DOCK5: variants seen among roughly 807,000 people sequenced by gnomAD.
DOCK5 encodes dedicator of cytokinesis 5.
A neutral mutation model predicts 251.8 loss-of-function variants in DOCK5; 142 were observed. The ratio of observed to expected loss-of-function variants is 0.56; its 90% confidence interval spans 0.49 to 0.65. The LOEUF is 0.65. Ranked by LOEUF, DOCK5 falls within the 30% of genes least tolerant of loss-of-function variation. The probability of loss-of-function intolerance (pLI) is 0.00; values close to 1 mark genes in which losing one functional copy is unlikely to be tolerated. For synonymous variants in DOCK5, 842 were observed against 835.5 expected (o/e 1.01, Z -0.13); for missense variants, 2,111 against 2,312.3 (o/e 0.91, Z 1.79).
At chr8:25,410,800 T>C (rs1232441694) in intron 51 of DOCK5, among the ~76,000 whole-genome samples, 2 of 151,698 alleles carry the variant, frequency 1.3e-5, no homozygotes, top group African/African-American at 4.8e-5. Flanking sequence ...AGTTTACTTC[T>C]TCTGAATAAA....
In DOCK5 at chr8:25,335,489, A is replaced by AAAT. The variant is rs533952667; in HGVS notation, c.2193-731_2193-729dup. 5.8e-4 allele frequency among the ~76,000 whole-genome samples: 87 copies of AAAT among 151,026 alleles called. No individual in the cohort carries two copies. In the East Asian group the frequency reaches 0.012, roughly 21 times the overall value. On this transcript the variant is annotated intron_variant, in intron 21 of 51. Transcript: ENST00000276440. ...TGGGTGACAGAATGAGACTCCATCT[A>AAAT]AATAATAATAATAATAATAATTATA...
chr8:25,269,784 T>A (rs1215750714), intron 3 of DOCK5, among the ~76,000 whole-genome samples: 2 of 152,216 alleles, frequency 1.3e-5, no homozygotes, highest in African/African-American at 4.8e-5. Flanking sequence ...TTAGTTCACA[T>A]GCCAAATAGC....
chr8:25,340,615 G>C (rs548298199), intron 22 of DOCK5, among the ~76,000 whole-genome samples: 1 of 152,342 alleles, frequency 6.6e-6, no homozygotes, highest in Non-Finnish European at 1.5e-5. Flanking sequence ...CCTTATGGTA[G>C]AGCAGGCCAG....
Position 25,341,736 on chromosome 8 carries a change from C to T in DOCK5, c.2440-3C>T. ...GAATTTGCCTTTGGTGTTTTTCTTA[C>T]AGGGGGCAGCTTTGAAGTACCTTCC... On this transcript the variant is annotated splice_polypyrimidine_tract_variant and splice_region_variant and intron_variant, in intron 23 of 51. Coordinates refer to ENST00000276440, the MANE Select transcript of DOCK5 (RefSeq NM_024940.8). The T allele has an allele frequency of 3.8e-6, 6 of 1,573,364 alleles. No homozygotes were observed. The highest frequency in any genetic ancestry group is 5.2e-6 in the Non-Finnish European group (6 of 1,157,534).
intron 2 of DOCK5, among the ~76,000 whole-genome samples, chr8:25,252,206 T>G (rs1477066776): frequency 6.6e-6 from 1 of 152,150 alleles, no homozygotes; most frequent in Non-Finnish European, 1.5e-5. Flanking sequence ...TCCTCCTTTC[T>G]ACTTGTTTCT....
chr8:25,197,573 G>GTTTTTT (rs1312014419), intron 1 of DOCK5, among the ~76,000 whole-genome samples: 1 of 61,736 alleles, frequency 1.6e-5, no homozygotes, highest in African/African-American at 6.0e-5. Flanking sequence ...TCGTGTCTTT[G>GTTTTTT]TCTTTTTTTT....
chr8:25,240,958 C>A (rs563643205), intron 1 of DOCK5, among the ~76,000 whole-genome samples: 5 of 152,296 alleles, frequency 3.3e-5, no homozygotes, highest in South Asian at 4.1e-4. Context: ...GACTTGCAGT[C>A]ACATCAGTTC....
Position 25,184,946 on chromosome 8 carries a change from G to C in DOCK5, c.38G>C (p.Gly13Ala), listed in dbSNP as rs768139098. ...ATCCCGACCAAGAGGCAGAAGTACG[G>C]GGTTGGTGAGTGCGCGCCCCACCTT... Reference protein sequence around the residue: ...RWIPTKRQKYGVAIYNYNASQ... With the variant: ...RWIPTKRQKYAVAIYNYNASQ... Residue 13 changes from glycine to alanine, a missense_variant, in exon 1 of 52, where the codon GGG becomes GCG. Gly to Ala is a moderately conservative substitution (Grantham distance 60, BLOSUM62 0). Coordinates refer to ENST00000276440, the MANE Select transcript of DOCK5 (RefSeq NM_024940.8). 2 of 1,435,996 alleles carry C rather than the reference G, an allele frequency of 1.4e-6. No homozygotes were observed. Among genetic ancestry groups the C allele is most frequent in the South Asian group, 1.5e-5 (1 of 66,312 alleles). The allele number at this position is 1,435,996 out of a possible 1,614,324, so 89.0% of individuals were successfully genotyped here.
chr8:25,319,778 T>C (rs1433067728), intron 15 of DOCK5, 102 bp downstream of exon 15: 1 of 803,676 alleles, frequency 1.2e-6, no homozygotes, highest in East Asian at 2.8e-5. Flanking sequence ...TTGAAATTTT[T>C]AGATAAGTTG....
intron 1 of DOCK5, among the ~76,000 whole-genome samples, chr8:25,236,083 C>A (rs185327374): frequency 6.6e-6 from 1 of 152,126 alleles, no homozygotes; most frequent in Non-Finnish European, 1.5e-5. Flanking sequence ...CAGACATGAG[C>A]CACTGCACCT....
intron 1 of DOCK5, among the ~76,000 whole-genome samples, chr8:25,219,385 A>G (rs1445703062): frequency 2.0e-5 from 3 of 151,908 alleles, no homozygotes; most frequent in Non-Finnish European, 4.4e-5. Flanking sequence ...GTTAATTTCA[A>G]TCTGGCATAG....
intron 26 of DOCK5, among the ~76,000 whole-genome samples, chr8:25,346,700 T>A (rs745407247): frequency 3.9e-5 from 4 of 101,660 alleles, no homozygotes; most frequent in Non-Finnish European, 8.3e-5. Flanking sequence ...GGCACGCGCC[T>A]ATAGTCCCAG....
intron 13 of DOCK5, among the ~76,000 whole-genome samples, chr8:25,313,238 G>T (rs762562156): frequency 6.6e-6 from 1 of 151,948 alleles, no homozygotes; most frequent in African/African-American, 2.4e-5. Flanking sequence ...CTTCAGCATC[G>T]CAGGAGTGAT....
Position 25,336,350 on chromosome 8 carries a change from C to T in DOCK5, c.2304C>T (p.Ile768=). 1 of 1,613,902 alleles carries T rather than the reference C, an allele frequency of 6.2e-7. No individual in the cohort carries two copies. Among genetic ancestry groups the T allele is most frequent in the Non-Finnish European group, 8.5e-7 (1 of 1,179,844 alleles). Residue 768 remains isoleucine (I), a synonymous_variant, in exon 22 of 52, where the codon ATC becomes ATT. Coordinates refer to ENST00000276440, the MANE Select transcript of DOCK5 (RefSeq NM_024940.8). ...KALKYLFRFI[I]QSRVLYLRFY... is the part of the protein sequence containing the mutation. ...TGAAGTACTTGTTTAGATTCATCAT[C>T]CAATCCCGAGTGCTCTACTTGAGGT...
chr8:25,338,535 C>T (rs1250760138), intron 22 of DOCK5, among the ~76,000 whole-genome samples: 1 of 151,906 alleles, frequency 6.6e-6, no homozygotes, highest in African/African-American at 2.4e-5. Flanking sequence ...TGACTTGAAA[C>T]CCATCTGGCT....
intron 26 of DOCK5, among the ~76,000 whole-genome samples, chr8:25,350,716 G>T (rs1800451884): frequency 1.3e-5 from 2 of 152,216 alleles, no homozygotes; most frequent in Admixed American, 6.5e-5. Context: ...CTTGCAGACA[G>T]CTACCTTCTT....
Position 25,210,338 on chromosome 8 carries a change from G to C in DOCK5, c.43+25387G>C, listed in dbSNP as rs1450509566. 3.0e-5 allele frequency among the ~76,000 whole-genome samples: 2 copies of C among 67,778 alleles called. 1 individual carries two copies. Among genetic ancestry groups the C allele is most frequent in the African/African-American group, 6.7e-5 (2 of 29,688 alleles). 44.5% of individuals were successfully genotyped at this position (67,778 alleles called of 152,430 possible). On this transcript the variant is annotated intron_variant, in intron 1 of 51. Coordinates refer to ENST00000276440, the MANE Select transcript of DOCK5 (RefSeq NM_024940.8). ...ACAGTATGTATAGCATGATGTCAGT[G>C]ATCAGGGCTTTGAAAATATTGATGA...
intron 26 of DOCK5, among the ~76,000 whole-genome samples, chr8:25,350,785 G>A (rs1272481478): frequency 6.6e-6 from 1 of 152,126 alleles, no homozygotes; most frequent in Non-Finnish European, 1.5e-5. Flanking sequence ...TTTACTAAGA[G>A]CATTTATCCC....
At position 25,190,838 on chromosome 8, in the gene DOCK5, C is replaced by A. The variant is rs2117440136; in HGVS notation, c.43+5887C>A. Among the ~76,000 whole-genome samples, 6 of 131,326 alleles carry A rather than the reference C, an allele frequency of 4.6e-5. No homozygotes were observed. The South Asian group carries it at 1.5e-3, about 33-fold the overall frequency. 86.2% of individuals were successfully genotyped at this position (131,326 alleles called of 152,430 possible). A position where few individuals can be genotyped will look rare whatever the true frequency, so the allele number is the denominator to read the frequency against. Reference sequence around the variant, plus strand: ...TTGCTCTGTCGCCCAGGGTGGAGTGCAGTGGCGCGATCTCGGCTCACTGCA... The same window carrying A: ...TTGCTCTGTCGCCCAGGGTGGAGTGAAGTGGCGCGATCTCGGCTCACTGCA... On this transcript the variant is annotated intron_variant, in intron 1 of 51. Coordinates refer to ENST00000276440, the MANE Select transcript of DOCK5 (RefSeq NM_024940.8).
Sources: allele counts gnomAD v4.1 joint callset (sites outside exome capture counted in the v4.1 genomes callset), GRCh38; gene constraint gnomAD v4.1.1; transcripts MANE v1.5; gene names NCBI Gene and HGNC (gene_info 2026-07-23, HGNC 2026-07-21).